Variants in CSMD3 observed in about 807,000 individuals in gnomAD.
CSMD3 encodes the protein CUB and sushi domain-containing protein 3.
Under a neutral mutation model 435.2 loss-of-function variants are expected in CSMD3, and 177 were observed. The observed-to-expected ratio is 0.41, with a 90% CI of 0.36 to 0.46. The LOEUF (loss-of-function observed/expected upper bound fraction) is 0.46. Among genes scored for constraint, CSMD3 ranks in the 20% least tolerant of loss-of-function variants. The pLI is 0.34. For missense variants in CSMD3, 4,265 were observed against 4,504.6 expected (o/e 0.95, Z 1.52); for synonymous variants, 1,656 against 1,520.5 (o/e 1.09, Z -2.07).
chr8:113,208,528 C>T (rs893964261), intron 3 of CSMD3, among the ~76,000 whole-genome samples: 1 of 151,982 alleles, frequency 6.6e-6, no homozygotes, highest in African/African-American at 2.4e-5. Context: ...TAATGTATTC[C>T]CACAATGTTT....
chr8:112,950,125 T>C (rs2083754905), intron 8 of CSMD3, among the ~76,000 whole-genome samples: 1 of 151,998 alleles, frequency 6.6e-6, no homozygotes, highest in South Asian at 2.1e-4. Flanking sequence ...AGAAAAAGAT[T>C]ATATACTTGA....
intron 22 of CSMD3, among the ~76,000 whole-genome samples, chr8:112,628,632 C>T (rs1212823169): frequency 1.3e-5 from 2 of 151,946 alleles, no homozygotes; most frequent in Non-Finnish European, 2.9e-5. Flanking sequence ...GGAGTTTTGT[C>T]GATATTATAT....
At chr8:113,033,527 G>A (rs1206096682) in intron 5 of CSMD3, among the ~76,000 whole-genome samples, 1 of 150,300 alleles carries the variant, frequency 6.7e-6, no homozygotes, top group African/African-American at 2.4e-5. Flanking sequence ...TTTACCCAAT[G>A]CTTGTACCTG....
intron 3 of CSMD3, among the ~76,000 whole-genome samples, chr8:113,210,044 G>GTA (rs397836755): frequency 0.012 from 1,815 of 149,410 alleles, 20 homozygotes; most frequent in Middle Eastern, 0.034. Context: ...GTGTGTGTGT[G>GTA]TGATACACAG....
At chr8:112,525,901 A>G (rs1824899034) in intron 27 of CSMD3, among the ~76,000 whole-genome samples, 1 of 141,804 alleles carries the variant, frequency 7.1e-6, no homozygotes, top group Admixed American at 7.2e-5. Context: ...TATATTTTAT[A>G]TATGTATATA....
chr8:113,107,858 G>C (rs971590896), intron 4 of CSMD3, among the ~76,000 whole-genome samples: 7 of 151,982 alleles, frequency 4.6e-5, no homozygotes, highest in African/African-American at 1.7e-4. Flanking sequence ...GTCCCTTTTT[G>C]TTCATATTAT....
At chr8:112,797,641 T>G (rs979060534) in intron 13 of CSMD3, among the ~76,000 whole-genome samples, 2 of 151,780 alleles carry the variant, frequency 1.3e-5, no homozygotes, top group Non-Finnish European at 2.9e-5. Flanking sequence ...TCTGGAAAGG[T>G]TTTTAGCAGG....
chr8:113,292,527 T>G (rs1329143801), intron 2 of CSMD3, among the ~76,000 whole-genome samples: 1 of 151,944 alleles, frequency 6.6e-6, no homozygotes, highest in Non-Finnish European at 1.5e-5. Flanking sequence ...GACAATTATA[T>G]GCAGAAGCAT....
At chr8:112,627,247 C>A (rs902718821) in intron 22 of CSMD3, among the ~76,000 whole-genome samples, 1 of 152,018 alleles carries the variant, frequency 6.6e-6, no homozygotes, top group African/African-American at 2.4e-5. Context: ...TTTTTTCCAG[C>A]ATATTTTCCA....
chr8:112,688,045 T>G (rs2076050357), intron 14 of CSMD3, among the ~76,000 whole-genome samples: 1 of 152,144 alleles, frequency 6.6e-6, no homozygotes, highest in Non-Finnish European at 1.5e-5. Flanking sequence ...CCATACGATC[T>G]CCTTTGCAAC....
chr8:113,052,778 A>C (rs2088154408), intron 5 of CSMD3, among the ~76,000 whole-genome samples: 2 of 152,194 alleles, frequency 1.3e-5, no homozygotes, highest in Non-Finnish European at 2.9e-5. Flanking sequence ...CATCTCTTAA[A>C]AAGATAATAG....
intron 1 of CSMD3, among the ~76,000 whole-genome samples, chr8:113,339,666 T>C (rs1452542484): frequency 6.6e-6 from 1 of 152,034 alleles, no homozygotes; most frequent in Non-Finnish European, 1.5e-5. Flanking sequence ...AGATTGTTAT[T>C]AGATCTACTA....
chr8:112,248,331 T>C (rs1337928642), intron 63 of CSMD3, among the ~76,000 whole-genome samples: 1 of 152,058 alleles, frequency 6.6e-6, no homozygotes, highest in Non-Finnish European at 1.5e-5. Flanking sequence ...AATGGCAGGA[T>C]ATGGTATTTA....
intron 32 of CSMD3, among the ~76,000 whole-genome samples, chr8:112,430,023 A>T (rs763859241): frequency 5.9e-5 from 9 of 152,018 alleles, no homozygotes; most frequent in Non-Finnish European, 1.2e-4. Context: ...TATCTCTAAT[A>T]CTTCTTGCAT....
intron 3 of CSMD3, among the ~76,000 whole-genome samples, chr8:113,217,180 G>A (rs574674938): frequency 1.3e-5 from 2 of 151,368 alleles, no homozygotes; most frequent in East Asian, 3.9e-4. Flanking sequence ...GCAGTCTGAA[G>A]AGGTGTAAAT....
intron 10 of CSMD3, among the ~76,000 whole-genome samples, chr8:112,872,473 A>G (rs184249941): frequency 6.6e-6 from 1 of 152,194 alleles, no homozygotes; most frequent in East Asian, 1.9e-4. Context: ...AGAATCAGAT[A>G]AATTTGATAA....
intron 17 of CSMD3, among the ~76,000 whole-genome samples, chr8:112,659,358 A>G (rs1317852742): frequency 6.6e-6 from 1 of 152,194 alleles, no homozygotes; most frequent in South Asian, 2.1e-4. Flanking sequence ...TGTTTATGAA[A>G]TTAAATTTAT....
At chr8:113,406,477 A>G (rs531089436) in intron 1 of CSMD3, among the ~76,000 whole-genome samples, 2 of 152,166 alleles carry the variant, frequency 1.3e-5, no homozygotes, top group East Asian at 3.9e-4. Flanking sequence ...CACTAACAAT[A>G]GGTTACTAAG....
At position 112,831,445 on chromosome 8, in the gene CSMD3, C is replaced by T. The variant is rs1307068069; in HGVS notation, c.1756-1656G>A. Among the ~76,000 whole-genome samples, 3 of 151,044 alleles carry T rather than the reference C, an allele frequency of 2.0e-5. No individual in the cohort carries two copies. In the East Asian group the frequency reaches 5.9e-4, roughly 30 times the overall value. ...TTGCTAGGTAATAACAGCAAAAATT[C>T]ATTTTATAACCTAGTACCATATGGT... On this transcript the variant is annotated intron_variant, in intron 11 of 70. Coordinates refer to ENST00000297405, the MANE Select transcript of CSMD3 (RefSeq NM_198123.2).
Sources: gnomAD v4.1 joint callset for allele counts (sites outside exome capture counted in the v4.1 genomes callset) on GRCh38, gnomAD v4.1.1 for gene constraint, MANE v1.5 for transcripts, NCBI Gene and HGNC (gene_info 2026-07-23, HGNC 2026-07-21) for gene names.